BST1: variants seen among roughly 807,000 people sequenced by gnomAD.
BST1 encodes ADP-ribosyl cyclase/cyclic ADP-ribose hydrolase 2.
In BST1, 49 loss-of-function variants were observed where a neutral mutation model predicts 40.6. That is an observed-to-expected ratio of 1.21 (90% CI 0.96 to 1.53). The LOEUF (loss-of-function observed/expected upper bound fraction) is 1.53, where lower values mean the gene tolerates loss of function less well. BST1 is among the 40% of genes most tolerant of loss of function. The pLI is 0.00. For synonymous variants in BST1, 157 were observed against 159.3 expected, an observed-to-expected ratio of 0.99 and a Z score of 0.11; for missense variants, 423 against 395.9, an observed-to-expected ratio of 1.07 and a Z score of -0.58.
At chr4:15,763,474 A>G in the BST1 span, among the ~76,000 whole-genome samples, 1 of 151,966 alleles carries the variant, frequency 6.6e-6, no homozygotes, top group African/African-American at 2.4e-5. Context: ...TCAAAATTAT[A>G]TATAAGCACA....
downstream of BST1, among the ~76,000 whole-genome samples, chr4:15,733,218 G>T (rs563435441): frequency 1.1e-4 from 16 of 152,316 alleles, no homozygotes; most frequent in South Asian, 3.3e-3. Context: ...CCATTTTACA[G>T]AGTGCTGATT....
chr4:15,765,930 C>G, the BST1 span, among the ~76,000 whole-genome samples: 1 of 152,042 alleles, frequency 6.6e-6, no homozygotes, highest in Non-Finnish European at 1.5e-5. Flanking sequence ...TTCTGGCAAC[C>G]GAATTTGTTT....
chr4:15,765,509 AC>A, the BST1 span, among the ~76,000 whole-genome samples: 58 of 151,760 alleles, frequency 3.8e-4, 2 homozygotes, highest in African/African-American at 1.3e-3. Flanking sequence ...GGGACATGTC[AC>A]TCTTGTGCAC....
intron 1 of BST1, among the ~76,000 whole-genome samples, chr4:15,705,190 G>T (rs868580762): frequency 2.0e-5 from 3 of 151,864 alleles, no homozygotes; most frequent in South Asian, 2.1e-4. Context: ...CCACCGTTAG[G>T]TCTAAATGAA....
downstream of BST1, among the ~76,000 whole-genome samples, chr4:15,742,581 T>C (rs1721772160): frequency 6.6e-6 from 1 of 152,312 alleles, no homozygotes; most frequent in South Asian, 2.1e-4. Context: ...CAACACTAAA[T>C]AGACAAAGAC....
chr4:15,734,482 T>A (rs996008161), downstream of BST1, among the ~76,000 whole-genome samples: 10 of 151,998 alleles, frequency 6.6e-5, no homozygotes, highest in Non-Finnish European at 1.3e-4. Flanking sequence ...ATATAATATA[T>A]ATACGGGAAA....
chr4:15,769,282 G>A, the BST1 span, among the ~76,000 whole-genome samples: 3 of 152,194 alleles, frequency 2.0e-5, no homozygotes, highest in Non-Finnish European at 4.4e-5. Context: ...TGCTTATTCT[G>A]CAGGCGTTGC....
intron 1 of BST1, chr4:15,705,112 T>C: frequency 1.5e-6 from 1 of 646,870 alleles, no homozygotes; most frequent in Admixed American, 2.3e-5. Flanking sequence ...ACACTACACA[T>C]CCTGCTGGCT....
At chr4:15,759,152 G>C in the BST1 span, among the ~76,000 whole-genome samples, 1 of 151,896 alleles carries the variant, frequency 6.6e-6, no homozygotes, top group Admixed American at 6.6e-5. Context: ...AGAATATTAG[G>C]AAGCTCAAGC....
At chr4:15,711,741 T>C in intron 3 of BST1, 66 bp from the exon 4 acceptor site, 1 of 1,284,762 alleles carries the variant, frequency 7.8e-7, no homozygotes, top group Non-Finnish European at 1.1e-6. Context: ...GGATATATTG[T>C]AAGTTAATTC....
chr4:15,739,634 C>G (rs1721689943), downstream of BST1, among the ~76,000 whole-genome samples: 1 of 150,678 alleles, frequency 6.6e-6, no homozygotes, highest in Admixed American at 6.6e-5. Flanking sequence ...TTTCATTTGA[C>G]TTGTGCCAGC....
At chr4:15,731,392 G>A in intron 8 of BST1, 2 of 571,574 alleles carry the variant, frequency 3.5e-6, no homozygotes. Context: ...AAATCCACAG[G>A]CTTGGCCTTG....
At chr4:15,746,759 A>G in the BST1 span, among the ~76,000 whole-genome samples, 152 of 152,280 alleles carry the variant, frequency 1.0e-3, 1 homozygote, top group Middle Eastern at 0.01. Flanking sequence ...CATCTTTCCT[A>G]CTATAAAGGC....
chr4:15,728,514 G>A (rs1449413784), intron 8 of BST1, among the ~76,000 whole-genome samples: 1 of 143,838 alleles, frequency 7.0e-6, no homozygotes, highest in Non-Finnish European at 1.5e-5. Flanking sequence ...GTGCAGTGGT[G>A]TGATCATGGC....
chr4:15,729,055 A>G (rs1307399579), intron 8 of BST1, among the ~76,000 whole-genome samples: 1 of 152,246 alleles, frequency 6.6e-6, no homozygotes, highest in Non-Finnish European at 1.5e-5. Context: ...AATTTTATAC[A>G]TTTATTAGGT....
At chr4:15,763,995 T>C in the BST1 span, among the ~76,000 whole-genome samples, 1 of 152,048 alleles carries the variant, frequency 6.6e-6, no homozygotes, top group East Asian at 1.9e-4. Flanking sequence ...ACTCTACCTT[T>C]GTTGAAACCT....
At chr4:15,706,548 C>G (rs1175585933) in intron 2 of BST1, among the ~76,000 whole-genome samples, 1 of 152,166 alleles carries the variant, frequency 6.6e-6, no homozygotes, top group African/African-American at 2.4e-5. Context: ...CCATAAAACC[C>G]TTGCTTAAAA....
chr4:15,711,390 A>G (rs1343028528), intron 3 of BST1, among the ~76,000 whole-genome samples: 1 of 152,206 alleles, frequency 6.6e-6, no homozygotes, highest in Non-Finnish European at 1.5e-5. Flanking sequence ...GTTTCCTTGC[A>G]TTTACTACTA....
In BST1 at chr4:15,705,584, G is replaced by C. The variant is rs17850856; in HGVS notation, c.258G>C (p.Leu86=). The C allele has an allele frequency of 6.2e-7, 1 of 1,613,682 alleles. No individual in the cohort carries two copies. The highest frequency in any genetic ancestry group is 8.5e-7 in the Non-Finnish European group (1 of 1,179,816). The change falls in exon 2 of 9, where the codon CTG becomes CTC. Residue 86 remains leucine (L), a synonymous_variant. Transcript: ENST00000265016. ...TGGACAAGGATCCCTGCTCCGTGCT[G>C]CCCTCAGACTATGACCTTTTTATTA... ...VALDKDPCSV[L]PSDYDLFINL... is the part of the protein sequence containing the mutation.
Sources: gnomAD v4.1 joint callset for allele counts (sites outside exome capture counted in the v4.1 genomes callset) on GRCh38, gnomAD v4.1.1 for gene constraint, MANE v1.5 for transcripts, NCBI Gene and HGNC (gene_info 2026-07-23, HGNC 2026-07-21) for gene names.